Variants in PRKCE observed in about 807,000 individuals in gnomAD.
PRKCE encodes protein kinase C epsilon type.
In PRKCE, 16 loss-of-function variants were observed where a neutral mutation model predicts 85.4. That is an observed-to-expected ratio of 0.19 (90% CI 0.13 to 0.28). The LOEUF (loss-of-function observed/expected upper bound fraction) is 0.28, where lower values mean the gene tolerates loss of function less well. Among genes scored for constraint, PRKCE ranks in the 10% least tolerant of loss-of-function variants. The pLI is 1.00. For missense variants in PRKCE, 573 were observed against 975.2 expected (o/e 0.59, Z 5.49); for synonymous variants, 388 against 371.5 (o/e 1.04, Z -0.51).
intron 11 of PRKCE, among the ~76,000 whole-genome samples, chr2:46,135,794 A>G (rs1419443751): frequency 9.4e-6 from 1 of 106,576 alleles, no homozygotes; most frequent in African/African-American, 3.8e-5. Flanking sequence ...AAGTAGACAC[A>G]CTTTGCTTGT....
intron 2 of PRKCE, among the ~76,000 whole-genome samples, chr2:45,928,549 C>T (rs1051968753): frequency 1.3e-5 from 2 of 152,208 alleles, no homozygotes; most frequent in Non-Finnish European, 1.5e-5. Flanking sequence ...GGATTACAGG[C>T]GTGAGCCACT....
chr2:45,862,793 C>A (rs1214957425), intron 2 of PRKCE, among the ~76,000 whole-genome samples: 1 of 152,214 alleles, frequency 6.6e-6, no homozygotes, highest in East Asian at 1.9e-4. Context: ...GGTGTGTGTA[C>A]ATACATGCAT....
At chr2:46,051,883 G>T (rs1484176546) in intron 10 of PRKCE, among the ~76,000 whole-genome samples, 1 of 152,158 alleles carries the variant, frequency 6.6e-6, no homozygotes, top group East Asian at 1.9e-4. Context: ...GGGCAGCAGA[G>T]AGAGAAGAAG....
At chr2:45,778,941 C>G (rs894325669) in intron 1 of PRKCE, among the ~76,000 whole-genome samples, 6 of 152,248 alleles carry the variant, frequency 3.9e-5, no homozygotes, top group African/African-American at 1.4e-4. Context: ...CCTTCTCATT[C>G]TCTTAAAACT....
rs906351568 is a variant in PRKCE at position 46,001,174 on chromosome 2, C to A, written c.824-230C>A. On this transcript the variant is annotated intron_variant, in intron 6 of 14. Transcript: ENST00000306156. This position sits in a 1 kb window ranked among gnomAD's most constrained non-coding sequence, Gnocchi z 4.4. ...TTTAGGGTATACGTAGAAAGGATGG[C>A]TGGAATGAAGTACTAGAAACAGTGG... 7.3e-5 allele frequency among the ~76,000 whole-genome samples: 11 copies of A among 151,582 alleles called. No individual in the cohort carries two copies. Among genetic ancestry groups the A allele is most frequent in the Non-Finnish European group, 1.2e-4 (8 of 67,950 alleles).
intron 2 of PRKCE, among the ~76,000 whole-genome samples, chr2:45,958,478 C>T (rs1701129626): frequency 6.8e-6 from 1 of 147,164 alleles, no homozygotes; most frequent in African/African-American, 2.5e-5. Context: ...CACTGCACTC[C>T]AGCCTGGCTG....
intron 1 of PRKCE, among the ~76,000 whole-genome samples, chr2:45,796,064 C>T (rs1190024365): frequency 1.3e-5 from 2 of 152,230 alleles, no homozygotes; most frequent in African/African-American, 2.4e-5. Context: ...CTTCACACCT[C>T]TGTGCCTTTG....
chr2:45,685,369 A>G (rs551520255), intron 1 of PRKCE: 2 of 152,330 alleles, frequency 1.3e-5, no homozygotes, highest in East Asian at 3.9e-4. Flanking sequence ...ATAAATACCC[A>G]TATTTTAATT....
intron 11 of PRKCE, among the ~76,000 whole-genome samples, chr2:46,112,571 T>TA: frequency 1.3e-5 from 2 of 152,038 alleles, no homozygotes; most frequent in Middle Eastern, 6.8e-3. Flanking sequence ...GCTGGAGTGG[T>TA]ACAGTGGCAC....
At chr2:45,975,620 G>T (rs1384443331) in intron 2 of PRKCE, among the ~76,000 whole-genome samples, 4 of 152,116 alleles carry the variant, frequency 2.6e-5, no homozygotes, top group African/African-American at 9.7e-5. Context: ...TAATTTTGAG[G>T]GGGCAAAAAT....
At chr2:45,721,884 A>C (rs1680651723) in intron 1 of PRKCE, among the ~76,000 whole-genome samples, 1 of 151,918 alleles carries the variant, frequency 6.6e-6, no homozygotes, top group Admixed American at 6.6e-5. Flanking sequence ...CTCTTAAAAA[A>C]AAAAAAAAAA....
intron 1 of PRKCE, among the ~76,000 whole-genome samples, chr2:45,698,254 G>A (rs1389100761): frequency 1.3e-5 from 2 of 152,198 alleles, no homozygotes; most frequent in South Asian, 4.1e-4. Context: ...CAGATTGGTG[G>A]TAGGTGAATT....
rs1398269732 is a variant in PRKCE, at chr2:46,068,610, A to G, written c.1438-17598A>G. 2.0e-5 allele frequency among the ~76,000 whole-genome samples: 3 copies of G among 152,218 alleles called. No homozygotes were observed. Among genetic ancestry groups the G allele is most frequent in the Non-Finnish European group, 2.9e-5 (2 of 68,042 alleles). On this transcript the variant is annotated intron_variant, in intron 10 of 14. Coordinates refer to ENST00000306156, the MANE Select transcript of PRKCE (RefSeq NM_005400.3). The surrounding 1 kb of genome is among the most constrained non-coding windows in gnomAD (Gnocchi z 4.3). The stretch of plus-strand genomic sequence containing the variant: ...AGAAGGTTGTCACATACAGAATAAG[A>G]TCAATCATCAGATGTGTAGTTTAAG...
chr2:46,010,194 C>A (rs183156317), intron 9 of PRKCE, 150 bp from the exon 10 acceptor site: 48 of 841,830 alleles, frequency 5.7e-5, no homozygotes, highest in Non-Finnish European at 3.4e-6. Context: ...TCCCAAGTAT[C>A]TTGGGTGCAT....
intron 5 of PRKCE, among the ~76,000 whole-genome samples, chr2:45,981,082 C>G (rs559414162): frequency 6.6e-6 from 1 of 152,212 alleles, no homozygotes; most frequent in Non-Finnish European, 1.5e-5. Flanking sequence ...ATCTTAGAAA[C>G]TAGCATCAGA....
chr2:45,655,378 C>T, intron 1 of PRKCE, among the ~76,000 whole-genome samples: 1 of 150,988 alleles, frequency 6.6e-6, no homozygotes, highest in Non-Finnish European at 1.5e-5. Context: ...AGCTTATCAG[C>T]TATCATTGGT....
intron 2 of PRKCE, among the ~76,000 whole-genome samples, chr2:45,932,981 T>A (rs1336863448): frequency 2.0e-5 from 3 of 152,268 alleles, no homozygotes; most frequent in African/African-American, 4.8e-5. Flanking sequence ...TGAATAGTAT[T>A]CCATTATATC....
intron 1 of PRKCE, among the ~76,000 whole-genome samples, chr2:45,709,131 G>A (rs964750098): frequency 6.6e-6 from 1 of 152,248 alleles, no homozygotes; most frequent in Admixed American, 6.5e-5. Context: ...CTGCCTCTGG[G>A]TGTGAAAGAG....
chr2:45,995,268 G>T (rs1704123212), intron 6 of PRKCE, among the ~76,000 whole-genome samples: 1 of 151,948 alleles, frequency 6.6e-6, no homozygotes, highest in Non-Finnish European at 1.5e-5. Context: ...GTGTGGTTTG[G>T]TTTTGTTTGT....
Sources: allele counts gnomAD v4.1 joint callset (sites outside exome capture counted in the v4.1 genomes callset), GRCh38; gene constraint gnomAD v4.1.1; non-coding constraint Gnocchi (gnomAD v3.1); transcripts MANE v1.5; gene names NCBI Gene and HGNC (gene_info 2026-07-23, HGNC 2026-07-21).